CFAP57: variants seen among roughly 807,000 people sequenced by gnomAD.
CFAP57 encodes the protein cilia and flagella associated protein 57, also known as cilia- and flagella-associated protein 57.
A neutral mutation model predicts 146.8 loss-of-function variants in CFAP57; 116 were observed. The ratio of observed to expected loss-of-function variants is 0.79; its 90% CI spans 0.68 to 0.92. CFAP57 has a LOEUF of 0.92. CFAP57 is among the 40% of genes least tolerant of loss of function. CFAP57 has a pLI of 0.00. For missense variants in CFAP57, 1,377 were observed against 1,527.2 expected (o/e 0.90, Z 1.64); for synonymous variants, 518 against 552.8 (o/e 0.94, Z 0.88).
intron 2 of CFAP57, among the ~76,000 whole-genome samples, chr1:43,179,303 CTATG>C (rs1645295465): frequency 6.6e-6 from 1 of 152,040 alleles, no homozygotes; most frequent in Non-Finnish European, 1.5e-5. Context: ...AAAAGGATAT[CTATG>C]TGAGAGGCGA....
chr1:43,242,987 G>A (rs1760668), intron 21 of CFAP57, among the ~76,000 whole-genome samples: 16,733 of 152,050 alleles, frequency 0.11, 1,253 homozygotes, highest in African/African-American at 0.2. Context: ...TGCTGTTGAC[G>A]TTGCAACAAG....
At chr1:43,227,446 G>A (rs1041050620) in intron 18 of CFAP57, among the ~76,000 whole-genome samples, 2 of 152,196 alleles carry the variant, frequency 1.3e-5, no homozygotes, top group South Asian at 2.1e-4. Context: ...GCCACCAGAG[G>A]GCAGTGTGTA....
At chr1:43,211,150 G>A (rs1196663708) in intron 11 of CFAP57, among the ~76,000 whole-genome samples, 1 of 152,164 alleles carries the variant, frequency 6.6e-6, no homozygotes, top group African/African-American at 2.4e-5. Context: ...GAACATTTCT[G>A]TACCAAGCCT....
Position 43,230,453 on chromosome 1 carries a change from C to T in CFAP57, c.3010-2055C>T, listed in dbSNP as rs191326101. On this transcript the variant is annotated intron_variant, in intron 18 of 22. Coordinates refer to ENST00000372492, the MANE Select transcript of CFAP57 (RefSeq NM_001378189.1). ...TCTAAGCCTTCAGTGGCTCTCTGAGCTTTCAGGATAAAGGCAAACTTCTCA... is the reference window on the plus strand; with the variant it reads ...TCTAAGCCTTCAGTGGCTCTCTGAGTTTTCAGGATAAAGGCAAACTTCTCA... Among the ~76,000 whole-genome samples, 582 of 152,322 alleles carry T rather than the reference C, an allele frequency of 3.8e-3. 4 individuals are homozygous for T. Among genetic ancestry groups the T allele is most frequent in the African/African-American group, 0.013 (554 of 41,576 alleles).
At chr1:43,184,614 A>G (rs557437840) in intron 4 of CFAP57, among the ~76,000 whole-genome samples, 1 of 152,240 alleles carries the variant, frequency 6.6e-6, no homozygotes, top group Admixed American at 6.5e-5. Flanking sequence ...CTCAGGATTC[A>G]AACCCAGATC....
chr1:43,185,275 C>T lies in CFAP57; in HGVS notation c.888C>T (p.Ala296=), dbSNP rs754898051. 1.9e-6 allele frequency: 3 copies of T among 1,614,140 alleles called. No homozygotes were observed. The highest frequency in any genetic ancestry group is 2.2e-5 in the East Asian group (1 of 44,870). ...FAIAAYSKGF[A]CSAGPGRVLL... is the part of the protein sequence containing the mutation. ...TTGCAGCCTATTCAAAGGGATTTGC[C>T]TGTTCTGCTGGGCCAGGGAGAGTTC... The change falls in exon 5 of 23, where the codon GCC becomes GCT. Residue 296 remains alanine, a synonymous_variant. Coordinates refer to ENST00000372492, the MANE Select transcript of CFAP57 (RefSeq NM_001378189.1).
chr1:43,195,217 A>C lies in CFAP57; in HGVS notation c.1123-2336A>C, dbSNP rs114148865. On this transcript the variant is annotated intron_variant, in intron 6 of 22. Coordinates refer to ENST00000372492, the MANE Select transcript of CFAP57 (RefSeq NM_001378189.1). ...GGATACACACCAGGAATTTGACCCCACAGAGCCATTAAAGAACATGGACAG... is the reference window on the plus strand; with the variant it reads ...GGATACACACCAGGAATTTGACCCCCCAGAGCCATTAAAGAACATGGACAG... Among the ~76,000 whole-genome samples the C allele has an allele frequency of 5.6e-3, 856 of 152,308 alleles. 3 individuals are homozygous for C. Among genetic ancestry groups the C allele is most frequent in the African/African-American group, 0.02 (816 of 41,560 alleles).
chr1:43,206,506 A>G (rs1379273008), intron 9 of CFAP57: 8 of 583,158 alleles, frequency 1.4e-5, no homozygotes, highest in Non-Finnish European at 2.4e-5. Context: ...TGAAAAAGAA[A>G]TGAGAGTGTT....
intron 11 of CFAP57, among the ~76,000 whole-genome samples, chr1:43,213,508 G>GGC (rs1557783876): frequency 9.3e-6 from 1 of 107,498 alleles, no homozygotes; most frequent in African/African-American, 2.9e-5. Context: ...AAATATGGGG[G>GGC]GGGCGGTGGA....
intron 19 of CFAP57, among the ~76,000 whole-genome samples, chr1:43,233,619 A>G (rs906414069): frequency 6.6e-6 from 1 of 152,234 alleles, no homozygotes; most frequent in Non-Finnish European, 1.5e-5. Flanking sequence ...CATGCTGAAG[A>G]GGATGACTGG....
chr1:43,225,215 T>G (rs1459561906), intron 17 of CFAP57, among the ~76,000 whole-genome samples: 1 of 152,154 alleles, frequency 6.6e-6, no homozygotes, highest in East Asian at 1.9e-4. Flanking sequence ...ACTTCCCATC[T>G]CCCACCACCA....
At chr1:43,197,719 T>A (rs534028685) in intron 7 of CFAP57, 27 bp downstream of exon 7, 1 of 1,613,590 alleles carries the variant, frequency 6.2e-7, no homozygotes, top group East Asian at 2.2e-5. Flanking sequence ...TTGCCTACTT[T>A]ATTATGCAAG....
intron 9 of CFAP57, among the ~76,000 whole-genome samples, 168 bp from the exon 10 acceptor site, chr1:43,206,550 CAG>C (rs1292743637): frequency 6.6e-6 from 1 of 150,784 alleles, no homozygotes; most frequent in Non-Finnish European, 1.5e-5. Flanking sequence ...TCATAGAAAA[CAG>C]AATGTGAACG....
chr1:43,205,181 CA>C (rs1644305574), intron 9 of CFAP57, among the ~76,000 whole-genome samples: 1 of 152,204 alleles, frequency 6.6e-6, no homozygotes, highest in African/African-American at 2.4e-5. Flanking sequence ...CTTGTTCTAT[CA>C]AAATTCCACT....
chr1:43,209,854 T>C lies in CFAP57; in HGVS notation c.1867T>C (p.Tyr623His), dbSNP rs1175297145. The change falls in exon 11 of 23, where the codon TAC (tyrosine) becomes CAC (histidine). Residue 623 changes from tyrosine (Y) to histidine (H), a missense_variant. By Grantham distance (83) the Tyr-to-His change is moderately conservative (BLOSUM62 2). Transcript: ENST00000372492. ...GGTGGGAACCATTCGTGCCATGAAG[T>C]ACCCTCTGCCTCTGCAGAAGGAATT... ...TSVGTIRAMK[Y>H]PLPLQKEFNE... 7 of 1,614,224 alleles carry C rather than the reference T, an allele frequency of 4.3e-6. No individual in the cohort carries two copies. The highest frequency in any genetic ancestry group is 5.9e-6 in the Non-Finnish European group (7 of 1,180,038).
intron 13 of CFAP57, 49 bp downstream of exon 13, chr1:43,219,586 C>A: frequency 6.5e-7 from 1 of 1,546,314 alleles, no homozygotes; most frequent in Non-Finnish European, 8.7e-7. Flanking sequence ...GAAATTTCCA[C>A]TTTCAAGACA....
At chr1:43,226,934 A>G (rs1384151826) in intron 17 of CFAP57, 49 bp from the exon 18 acceptor site, 3 of 1,455,432 alleles carry the variant, frequency 2.1e-6, no homozygotes, top group Admixed American at 5.4e-5. Context: ...GGGCTGCAGT[A>G]TACCAGGGCC....
intron 6 of CFAP57, among the ~76,000 whole-genome samples, chr1:43,192,935 A>T (rs1468956129): frequency 9.6e-6 from 1 of 104,442 alleles, no homozygotes; most frequent in Admixed American, 1.1e-4. Context: ...TCTCAAAAAA[A>T]AAAATAAAAA....
chr1:43,244,229 T>C (rs539975072), intron 22 of CFAP57, among the ~76,000 whole-genome samples: 10 of 152,294 alleles, frequency 6.6e-5, no homozygotes, highest in African/African-American at 2.2e-4. Flanking sequence ...AAGTTTTTGT[T>C]TTCTGGTGGT....
Sources: allele counts gnomAD v4.1 joint callset (sites outside exome capture counted in the v4.1 genomes callset), GRCh38; gene constraint gnomAD v4.1.1; transcripts MANE v1.5; gene names NCBI Gene and HGNC (gene_info 2026-07-23, HGNC 2026-07-21).